The following XYLT1 variants were observed in gnomAD, a reference collection of about 807,000 sequenced individuals.
XYLT1 encodes xylosyltransferase 1.
Under a neutral mutation model 91.3 loss-of-function variants are expected in XYLT1, and 36 were observed. The ratio of observed to expected loss-of-function variants is 0.39; its 90% CI spans 0.30 to 0.52. The LOEUF (loss-of-function observed/expected upper bound fraction) is 0.52. XYLT1 is among the 20% of genes least tolerant of loss of function. XYLT1 has a pLI of 0.68. For missense variants in XYLT1, 1,242 were observed against 1,284.5 expected (o/e 0.97, Z 0.51); for synonymous variants, 588 against 532.0 (o/e 1.11, Z -1.45).
At chr16:17,136,135 G>A (rs1234932883) in intron 8 of XYLT1, among the ~76,000 whole-genome samples, 1 of 152,160 alleles carries the variant, frequency 6.6e-6, no homozygotes, top group Admixed American at 6.5e-5. Flanking sequence ...ATGGACTTAT[G>A]TCATTACCTC....
chr16:17,256,753 A>T (rs915819984), intron 3 of XYLT1, among the ~76,000 whole-genome samples: 1 of 151,936 alleles, frequency 6.6e-6, no homozygotes, highest in Non-Finnish European at 1.5e-5. Context: ...TCCTTTCTTC[A>T]TCAAGAGAGT....
chr16:17,296,478 CCTCT>C (rs1204135889), intron 2 of XYLT1, among the ~76,000 whole-genome samples: 4 of 152,150 alleles, frequency 2.6e-5, no homozygotes, highest in Non-Finnish European at 5.9e-5. Flanking sequence ...CCTGTTCCTG[CCTCT>C]CTGTTTGTGA....
At chr16:17,221,758 C>G (rs568386217) in intron 3 of XYLT1, among the ~76,000 whole-genome samples, 3 of 152,168 alleles carry the variant, frequency 2.0e-5, no homozygotes, top group African/African-American at 7.2e-5. Flanking sequence ...ATAAAAAGAA[C>G]AGGTTTCAGA....
chr16:17,438,352 T>C (rs528058339), intron 1 of XYLT1, among the ~76,000 whole-genome samples: 32 of 152,290 alleles, frequency 2.1e-4, no homozygotes, highest in Non-Finnish European at 3.4e-4. Flanking sequence ...ATAGCATGAA[T>C]GACCACTACT....
chr16:17,470,653 GC>G lies in XYLT1; in HGVS notation c.143del (p.Gly48AlafsTer146). The G allele has an allele frequency of 8.9e-7, 1 of 1,117,774 alleles. No individual in the cohort carries two copies. The highest frequency in any genetic ancestry group is 1.1e-6 in the Non-Finnish European group (1 of 902,696). 69.2% of individuals were successfully genotyped at this position (1,117,774 alleles called of 1,614,324 possible). A position where few individuals can be genotyped will look rare whatever the true frequency, so the allele number is the denominator to read the frequency against. On this transcript the variant is annotated frameshift_variant, in exon 1 of 12. Transcript: ENST00000261381. LOFTEE classifies it high-confidence loss of function. ...LDSGAGERRG[G>X]AAVGGGEQPP... ...GCTGCTCCCCGCCGCCGACCGCTGC[GC>G]CCCCGCGGCGCTCCCCGGCCCCGGA...
chr16:17,255,037 C>G (rs1321187711), intron 3 of XYLT1, among the ~76,000 whole-genome samples: 4 of 140,962 alleles, frequency 2.8e-5, no homozygotes, highest in Non-Finnish European at 6.0e-5. Context: ...TGCTCTGTTG[C>G]CCAGGCTGGA....
At chr16:17,343,073 T>G (rs141308036) in intron 2 of XYLT1, among the ~76,000 whole-genome samples, 2 of 152,106 alleles carry the variant, frequency 1.3e-5, no homozygotes, top group African/African-American at 4.8e-5. Flanking sequence ...CGTAAACACC[T>G]CACGGCCAAC....
At chr16:17,452,086 A>G (rs902703596) in intron 1 of XYLT1, among the ~76,000 whole-genome samples, 2 of 152,162 alleles carry the variant, frequency 1.3e-5, no homozygotes, top group African/African-American at 2.4e-5. Context: ...CTCAATTGCT[A>G]TAAGAGAAGC....
chr16:17,180,483 C>A (rs1423870703), intron 5 of XYLT1, among the ~76,000 whole-genome samples: 1 of 152,084 alleles, frequency 6.6e-6, no homozygotes, highest in African/African-American at 2.4e-5. Flanking sequence ...GCCCCTGGCT[C>A]GGTTTGCCAA....
chr16:17,177,624 T>C lies in XYLT1; in HGVS notation c.1290-18715A>G, dbSNP rs559034664. Reference sequence around the variant, plus strand: ...ATTCACAGTGACGCCCTACAGCTGATAGTTCATTAAAATGTATTTTGCGGA... The same window carrying C: ...ATTCACAGTGACGCCCTACAGCTGACAGTTCATTAAAATGTATTTTGCGGA... On this transcript the variant is annotated intron_variant, in intron 5 of 11. Transcript: ENST00000261381. 2.6e-5 allele frequency among the ~76,000 whole-genome samples: 4 copies of C among 152,272 alleles called. No homozygotes were observed. In the East Asian group the frequency reaches 5.8e-4, roughly 22 times the overall value.
rs181291923 is a variant in XYLT1, at chr16:17,270,237, G to T, written c.403-10739C>A. 9.2e-5 allele frequency among the ~76,000 whole-genome samples: 14 copies of T among 152,314 alleles called. No individual in the cohort carries two copies. In the East Asian group the frequency reaches 2.5e-3, roughly 27 times the overall value. Reference sequence around the variant, plus strand: ...AAATGTGCCCTTACCCCTTTCATAGGGTCTGGCTTTGTTTATGTTTGACGC... The same window carrying T: ...AAATGTGCCCTTACCCCTTTCATAGTGTCTGGCTTTGTTTATGTTTGACGC... On this transcript the variant is annotated intron_variant, in intron 2 of 11. Transcript: ENST00000261381.
intron 6 of XYLT1, among the ~76,000 whole-genome samples, chr16:17,142,352 T>G (rs1431263640): frequency 2.0e-5 from 3 of 151,712 alleles, no homozygotes; most frequent in African/African-American, 7.3e-5. Flanking sequence ...TTTAAAACAC[T>G]GAATGTATGG....
intron 2 of XYLT1, among the ~76,000 whole-genome samples, chr16:17,332,543 C>T: frequency 6.7e-6 from 1 of 148,556 alleles, no homozygotes; most frequent in South Asian, 2.2e-4. Flanking sequence ...GCCTGGGTGA[C>T]AGAGCCAGAG....
intron 1 of XYLT1, among the ~76,000 whole-genome samples, chr16:17,397,445 A>G (rs1015793271): frequency 2.0e-5 from 3 of 152,106 alleles, no homozygotes; most frequent in African/African-American, 7.2e-5. Context: ...TCCGGCTTCT[A>G]TTAAAAACTC....
chr16:17,447,179 C>T (rs1315215501), intron 1 of XYLT1, among the ~76,000 whole-genome samples: 1 of 152,184 alleles, frequency 6.6e-6, no homozygotes, highest in African/African-American at 2.4e-5. Flanking sequence ...AACCAAGCGG[C>T]CTGCTATTTA....
intron 1 of XYLT1, among the ~76,000 whole-genome samples, chr16:17,449,265 G>A (rs1359995399): frequency 2.0e-5 from 3 of 152,234 alleles, no homozygotes; most frequent in Admixed American, 2.0e-4. Flanking sequence ...CCATCCTGGG[G>A]AAAGGCTCTG....
At chr16:17,124,871 C>T (rs999784348) in intron 10 of XYLT1, among the ~76,000 whole-genome samples, 9 of 152,110 alleles carry the variant, frequency 5.9e-5, no homozygotes, top group African/African-American at 1.9e-4. Flanking sequence ...TTCTTTTACT[C>T]GTTTGATTCG....
chr16:17,336,756 A>G (rs1191504013), intron 2 of XYLT1, among the ~76,000 whole-genome samples: 1 of 152,176 alleles, frequency 6.6e-6, no homozygotes, highest in Non-Finnish European at 1.5e-5. Context: ...ATCCCCAAAC[A>G]CAGGGACTTT....
chr16:17,114,051 C>T (rs945588351), intron 11 of XYLT1, among the ~76,000 whole-genome samples: 4 of 151,472 alleles, frequency 2.6e-5, no homozygotes, highest in Non-Finnish European at 4.4e-5. Flanking sequence ...GAGGGTGGTG[C>T]ACCCCAATGC....
Sources: allele counts gnomAD v4.1 joint callset (sites outside exome capture counted in the v4.1 genomes callset), GRCh38; gene constraint gnomAD v4.1.1; transcripts MANE v1.5; gene names NCBI Gene and HGNC (gene_info 2026-07-23, HGNC 2026-07-21).